JAK2: variants seen among roughly 807,000 people sequenced by gnomAD.
JAK2 encodes tyrosine-protein kinase JAK2.
Under a neutral mutation model 139.3 loss-of-function variants are expected in JAK2, and 86 were observed. That is an observed-to-expected ratio of 0.62 (90% CI 0.52 to 0.74). The LOEUF is 0.74. Ranked by LOEUF, JAK2 falls within the 30% of genes least tolerant of loss-of-function variation. JAK2 has a pLI of 0.00. For synonymous variants in JAK2, 490 were observed against 437.7 expected (o/e 1.12, Z -1.49); for missense variants, 1,421 against 1,360.3 (o/e 1.04, Z -0.70).
intron 23 of JAK2, 98 bp from the exon 24 acceptor site, chr9:5,126,235 A>C: frequency 5.4e-6 from 4 of 736,368 alleles, no homozygotes; most frequent in Non-Finnish European, 9.2e-6. Flanking sequence ...ACAAAAGCAC[A>C]CATATACTAA....
intron 22 of JAK2, chr9:5,091,186 G>T (rs893535576): frequency 7.4e-5 from 18 of 244,864 alleles, no homozygotes; most frequent in Non-Finnish European, 1.2e-4. Flanking sequence ...AGGCTTAGGG[G>T]TAATTATTAG....
chr9:5,012,164 G>A (rs1034904136), intron 2 of JAK2, among the ~76,000 whole-genome samples: 1 of 152,114 alleles, frequency 6.6e-6, no homozygotes, highest in Non-Finnish European at 1.5e-5. Context: ...CTTTCACCCA[G>A]TAAGACTGCA....
chr9:4,997,585 C>T (rs376048561), intron 2 of JAK2, among the ~76,000 whole-genome samples: 1 of 152,194 alleles, frequency 6.6e-6, no homozygotes, highest in African/African-American at 2.4e-5. Context: ...CAGGCCTCAC[C>T]TCCAACATTG....
At chr9:5,044,053 T>C (rs2130321888) in intron 4 of JAK2, among the ~76,000 whole-genome samples, 1 of 152,378 alleles carries the variant, frequency 6.6e-6, no homozygotes, top group South Asian at 2.1e-4. Flanking sequence ...TAAGCAATTA[T>C]TTGTTTTTAT....
chr9:5,082,737 A>G (rs1819795556), intron 19 of JAK2, among the ~76,000 whole-genome samples: 2 of 152,184 alleles, frequency 1.3e-5, no homozygotes, highest in African/African-American at 4.8e-5. Context: ...TGGTTTATTG[A>G]GACTGGAGAA....
chr9:5,102,626 T>A (rs1053922586), intron 22 of JAK2, among the ~76,000 whole-genome samples: 1 of 152,122 alleles, frequency 6.6e-6, no homozygotes, highest in African/African-American at 2.4e-5. Context: ...GAAAAAAATG[T>A]TAAGGGCAGC....
rs1197131255 is a variant in JAK2 at position 5,127,644 on chromosome 9, A to ATATT, written c.*854_*857dup. The ATATT allele has an allele frequency of 8.6e-6, 2 of 232,032 alleles. No homozygotes were observed. The highest frequency in any genetic ancestry group is 1.7e-5 in the Non-Finnish European group (2 of 116,918). The allele number at this position is 232,032 out of a possible 1,614,324, so 14.4% of individuals were successfully genotyped here. ...AATTTTGAGATTAAGAATGCCAGGA[A>ATATT]TATTGTCATCCTTTGAGCTGCTGAC... On this transcript the variant is annotated 3_prime_UTR_variant, in exon 25 of 25. Coordinates refer to ENST00000381652, the MANE Select transcript of JAK2 (RefSeq NM_004972.4).
chr9:5,123,055 T>C lies in JAK2; in HGVS notation c.3111T>C (p.Val1037=). 6.2e-7 allele frequency: 1 copy of C among 1,611,930 alleles called. No individual in the cohort carries two copies. Among genetic ancestry groups the C allele is most frequent in the Non-Finnish European group, 8.5e-7 (1 of 1,178,602 alleles). Residue 1037 remains valine, a synonymous_variant, in exon 23 of 25, where the codon GTT becomes GTC. Transcript: ENST00000381652. ...GCAAGTTTTCTGTGGCCTCAGATGT[T>C]TGGAGCTTTGGAGTGGTTCTGTATG... The part of the protein sequence containing the change: ...TESKFSVASD[V]WSFGVVLYEL...
chr9:5,122,847 G>A (rs950805459), intron 22 of JAK2, among the ~76,000 whole-genome samples, 157 bp from the exon 23 acceptor site: 4 of 139,862 alleles, frequency 2.9e-5, no homozygotes, highest in Admixed American at 2.1e-4. Context: ...ACAGGTGCCA[G>A]GCAAAAAGGC....
chr9:5,001,064 T>C (rs1007671819), intron 2 of JAK2, among the ~76,000 whole-genome samples: 1 of 152,256 alleles, frequency 6.6e-6, no homozygotes, highest in African/African-American at 2.4e-5. Flanking sequence ...TATCCTGTGA[T>C]ACTGGTAAAT....
At chr9:5,070,505 G>A (rs1563974805) in intron 12 of JAK2, among the ~76,000 whole-genome samples, 1 of 152,056 alleles carries the variant, frequency 6.6e-6, no homozygotes, top group African/African-American at 2.4e-5. Flanking sequence ...GATATGAAAA[G>A]TTGGCCCTCT....
intron 15 of JAK2, 50 bp from the exon 16 acceptor site, chr9:5,078,256 C>G (rs751532002): frequency 4.0e-6 from 6 of 1,485,810 alleles, no homozygotes; most frequent in Admixed American, 1.8e-5. Context: ...ACTAAATGCT[C>G]CAGTACTTGT....
chr9:5,110,838 AG>A (rs1371680002), intron 22 of JAK2: 1 of 451,348 alleles, frequency 2.2e-6, no homozygotes, highest in Non-Finnish European at 4.3e-6. Context: ...TGTTCGGGGA[AG>A]GTGGGGGGGA....
At position 5,008,009 on chromosome 9, in the gene JAK2, A is replaced by G. The variant is rs551443978; in HGVS notation, c.-25-13954A>G. Reference sequence around the variant, plus strand: ...CTCCCAAAGTGCTGGGATTACAGGCATGAGCCACCGCGCCTGGCCCTAATA... The same window carrying G: ...CTCCCAAAGTGCTGGGATTACAGGCGTGAGCCACCGCGCCTGGCCCTAATA... On this transcript the variant is annotated intron_variant, in intron 2 of 24. Transcript: ENST00000381652. Among the ~76,000 whole-genome samples, 446 of 152,276 alleles carry G rather than the reference A, an allele frequency of 2.9e-3. 1 individual carries two copies. The highest frequency in any genetic ancestry group is 0.01 in the African/African-American group (432 of 41,570).
intron 4 of JAK2, among the ~76,000 whole-genome samples, chr9:5,035,835 C>G (rs988655025): frequency 2.0e-5 from 3 of 152,184 alleles, no homozygotes; most frequent in Non-Finnish European, 4.4e-5. Context: ...CAGGGATGCC[C>G]TCTCTCACCA....
At chr9:5,093,824 A>G (rs1401932495) in intron 22 of JAK2, among the ~76,000 whole-genome samples, 1 of 152,204 alleles carries the variant, frequency 6.6e-6, no homozygotes, top group African/African-American at 2.4e-5. Context: ...AGCCGCTATT[A>G]AGGGTTCATT....
chr9:4,986,261 T>C (rs577092363), intron 2 of JAK2, among the ~76,000 whole-genome samples: 1 of 152,354 alleles, frequency 6.6e-6, no homozygotes, highest in South Asian at 2.1e-4. Context: ...TAACGTGACT[T>C]TGCAGAGAAA....
At chr9:5,111,357 T>G in intron 22 of JAK2, 1 of 398,218 alleles carries the variant, frequency 2.5e-6, no homozygotes, top group Non-Finnish European at 4.9e-6. Flanking sequence ...CTCCCGGTAC[T>G]ACCCCTCCTA....
intron 2 of JAK2, among the ~76,000 whole-genome samples, chr9:5,007,407 T>C (rs1821379103): frequency 1.3e-5 from 2 of 152,158 alleles, no homozygotes; most frequent in African/African-American, 4.8e-5. Context: ...TATGCTGTGG[T>C]ACTTTTGTCA....
Sources: gnomAD v4.1 joint callset for allele counts (sites outside exome capture counted in the v4.1 genomes callset) on GRCh38, gnomAD v4.1.1 for gene constraint, MANE v1.5 for transcripts, NCBI Gene and HGNC (gene_info 2026-07-23, HGNC 2026-07-21) for gene names.